The following C22orf15 variants were observed in gnomAD, a reference collection of about 807,000 sequenced individuals.
C22orf15 encodes the protein chromosome 22 open reading frame 15.
In C22orf15, 21 loss-of-function variants were observed where a neutral mutation model predicts 20.3. The ratio of observed to expected loss-of-function variants is 1.04; its 90% confidence interval spans 0.74 to 1.49. C22orf15 has a LOEUF of 1.49. Ranked by LOEUF, C22orf15 falls within the 40% of genes most tolerant of loss-of-function variation. The pLI, the probability that C22orf15 is intolerant of heterozygous loss-of-function variation, is 0.00. For missense variants in C22orf15, 170 were observed against 191.1 expected (o/e 0.89, Z 0.65); for synonymous variants, 78 against 75.4 (o/e 1.03, Z -0.18).
In C22orf15 at chr22:23,764,322, G is replaced by T; in HGVS notation, c.175G>T (p.Gly59Trp). The change falls in exon 3 of 6, where the codon GGG becomes TGG. Residue 59 changes from glycine (G) to tryptophan (W), a missense_variant. Coordinates refer to ENST00000402217, the MANE Select transcript of C22orf15 (RefSeq NM_182520.3). ...LVSLEEDLKEGASRAQTMGNS... is the reference protein window; with the variant it reads ...LVSLEEDLKEWASRAQTMGNS... ...GAGCCTGGAGGAGGACCTGAAGGAA[G>T]GGGCTTCCCGGGCCCAGACCATGGG... 1.3e-6 allele frequency: 2 copies of T among 1,551,626 alleles called. No homozygotes were observed. The highest frequency in any genetic ancestry group is 2.4e-5 in the South Asian group (2 of 84,070).
chr22:23,764,321 A>C lies in C22orf15; in HGVS notation c.174A>C (p.Glu58Asp). The C allele has an allele frequency of 6.4e-7, 1 of 1,551,590 alleles. No individual in the cohort carries two copies. Among genetic ancestry groups the C allele is most frequent in the Non-Finnish European group, 8.7e-7 (1 of 1,146,968 alleles). ...NLVSLEEDLK[E>D]GASRAQTMGN... is the part of the protein sequence containing the mutation. Reference sequence around the variant, plus strand: ...TGAGCCTGGAGGAGGACCTGAAGGAAGGGGCTTCCCGGGCCCAGACCATGG... The same window carrying C: ...TGAGCCTGGAGGAGGACCTGAAGGACGGGGCTTCCCGGGCCCAGACCATGG... The change falls in exon 3 of 6, where the codon GAA (glutamate) becomes GAC (aspartate). Residue 58 changes from glutamate (E) to aspartate (D), a missense_variant. Physicochemically the swap from Glu to Asp is conservative, Grantham distance 45. Transcript: ENST00000402217.
At chr22:23,765,123 C>T in intron 5 of C22orf15, 3 of 1,434,924 alleles carry the variant, frequency 2.1e-6, no homozygotes, top group Non-Finnish European at 2.7e-6. Flanking sequence ...AGTGCCAGCG[C>T]ACTAAGGGCC....
chr22:23,763,316 A>T lies in C22orf15; in HGVS notation c.10A>T (p.Lys4Ter). The T allele has an allele frequency of 1.3e-6, 2 of 1,549,936 alleles. No individual in the cohort carries two copies. Among genetic ancestry groups the T allele is most frequent in the Non-Finnish European group, 1.7e-6 (2 of 1,146,456 alleles). The change falls in exon 1 of 6, where the codon AAG (lysine) becomes TAG (stop). Residue 4 changes from lysine to a stop codon, truncating the protein, a stop_gained. Transcript: ENST00000402217. LOFTEE classifies it high-confidence loss of function. MFI[K>*]VMFGAGCSVL... ...CTCACCCGCTGCAGCTATGTTTATC[A>T]AGGTGATGTTTGGGGGTAAGTGGGG... is the stretch of plus-strand genomic sequence containing the variant.
At position 23,763,174 on chromosome 22, in the gene C22orf15, T is replaced by A; in HGVS notation, c.-133T>A. On this transcript the variant is annotated 5_prime_UTR_variant, in exon 1 of 6. Coordinates refer to ENST00000402217, the MANE Select transcript of C22orf15 (RefSeq NM_182520.3). ...GGGGCCTGGCCCTGGGACCCAGCCA[T>A]CCACACTCACACATCCACTTCTCCC... The A allele has an allele frequency of 1.6e-6, 2 of 1,260,870 alleles. No homozygotes were observed. Among genetic ancestry groups the A allele is most frequent in the Middle Eastern group, 5.4e-4 (2 of 3,720 alleles). 78.1% of individuals were successfully genotyped at this position (1,260,870 alleles called of 1,614,324 possible).
At chr22:23,765,692 T>C (rs1228145332) in intron 5 of C22orf15, 29 bp from the exon 6 acceptor site, 56 of 1,545,542 alleles carry the variant, frequency 3.6e-5, no homozygotes, top group Non-Finnish European at 2.2e-5. Flanking sequence ...ACAGTGCAGA[T>C]TGCAACAGGG....
chr22:23,764,902 G>A lies in C22orf15; in HGVS notation c.435G>A (p.Lys145=), dbSNP rs775008335. The A allele has an allele frequency of 6.2e-7, 1 of 1,608,042 alleles. No homozygotes were observed. The highest frequency in any genetic ancestry group is 8.5e-7 in the Non-Finnish European group (1 of 1,176,340). ...HEQSPTSRPR[K]GPD The stretch of plus-strand genomic sequence containing the variant: ...AAAGCCCCACTTCAAGGCCCAGAAA[G>A]GTGAGCTCCCTGCCACCCAGGAGTT... Residue 145 remains lysine (K), a splice_region_variant and synonymous_variant, in exon 5 of 6, where the codon AAG becomes AAA. Coordinates refer to ENST00000402217, the MANE Select transcript of C22orf15 (RefSeq NM_182520.3).
At chr22:23,765,448 G>C (rs1926626359) in intron 5 of C22orf15, 2 of 1,550,852 alleles carry the variant, frequency 1.3e-6, no homozygotes, top group Non-Finnish European at 8.7e-7. Flanking sequence ...GCATCAGCAA[G>C]AGGGGCAAGG....
At chr22:23,765,320 G>A in intron 5 of C22orf15, 1 of 1,544,726 alleles carries the variant, frequency 6.5e-7, no homozygotes, top group Non-Finnish European at 8.8e-7. Flanking sequence ...CTGCCAACTA[G>A]CCAAGTTGGA....
intron 3 of C22orf15, 114 bp from the exon 4 acceptor site, chr22:23,764,525 C>A: frequency 6.4e-7 from 1 of 1,558,068 alleles, no homozygotes; most frequent in East Asian, 2.2e-5. Flanking sequence ...CCCAATCCAT[C>A]CCTACCCAAT....
At position 23,765,743 on chromosome 22, in the gene C22orf15, T is replaced by C. The variant is rs1156675344; in HGVS notation, c.*11T>C. On this transcript the variant is annotated 3_prime_UTR_variant, in exon 6 of 6. Coordinates refer to ENST00000402217, the MANE Select transcript of C22orf15 (RefSeq NM_182520.3). ...CAGGGCCCTGATTAAGGGGATGGAT[T>C]GCACACTGTAGTGAGACATCCATCC... The C allele has an allele frequency of 1.9e-6, 3 of 1,550,936 alleles. No individual in the cohort carries two copies. The highest frequency in any genetic ancestry group is 2.6e-6 in the Non-Finnish European group (3 of 1,146,646).
Position 23,765,718 on chromosome 22 carries a change from C to T in C22orf15, c.436-3C>T, listed in dbSNP as rs1926704950. 1 of 1,550,132 alleles carries T rather than the reference C, an allele frequency of 6.5e-7. No homozygotes were observed. The highest frequency in any genetic ancestry group is 8.7e-7 in the Non-Finnish European group (1 of 1,146,294). ...TGCAACAGGGCTCCTCCTCCCCACC[C>T]AGGGCCCTGATTAAGGGGATGGATT... On this transcript the variant is annotated splice_region_variant and splice_polypyrimidine_tract_variant and intron_variant, in intron 5 of 5. Transcript: ENST00000402217.
chr22:23,764,791 A>G lies in C22orf15; in HGVS notation c.326-2A>G. 6.2e-7 allele frequency: 1 copy of G among 1,614,082 alleles called. No individual in the cohort carries two copies. Among genetic ancestry groups the G allele is most frequent in the Non-Finnish European group, 8.5e-7 (1 of 1,179,990 alleles). On this transcript the variant is annotated splice_acceptor_variant, in intron 4 of 5. Transcript: ENST00000402217. LOFTEE classifies it high-confidence loss of function. ...ACCAACAGGACTTCCTGGGCCTTCC[A>G]GAGGAACTGCGCAGGCTGTCAGGCC...
intron 2 of C22orf15, 43 bp downstream of exon 2, chr22:23,764,216 G>A: frequency 6.4e-7 from 1 of 1,551,582 alleles, no homozygotes; most frequent in South Asian, 1.2e-5. Context: ...GGGGTCCCAG[G>A]CAGGGGTGCC....
chr22:23,763,424 A>C, intron 1 of C22orf15, 93 bp downstream of exon 1: 94 of 1,042,410 alleles, frequency 9.0e-5, no homozygotes, highest in East Asian at 2.3e-4. Context: ...TGGGGAGGCA[A>C]TGGCGGGAAA....
chr22:23,764,973 A>G (rs1926514813), intron 5 of C22orf15, 71 bp downstream of exon 5: 2 of 1,537,638 alleles, frequency 1.3e-6, no homozygotes, highest in Non-Finnish European at 1.7e-6. Flanking sequence ...TTGGACATCC[A>G]CAGAGACACC....
chr22:23,764,526 C>A, intron 3 of C22orf15, 113 bp from the exon 4 acceptor site: 1 of 1,557,210 alleles, frequency 6.4e-7, no homozygotes, highest in Non-Finnish European at 8.9e-7. Flanking sequence ...CCAATCCATC[C>A]CTACCCAATG....
At position 23,764,377 on chromosome 22, in the gene C22orf15, A is replaced by G. The variant is rs773400859; in HGVS notation, c.230A>G (p.Tyr77Cys). 6.2e-5 allele frequency: 97 copies of G among 1,554,032 alleles called. No individual in the cohort carries two copies. The African/African-American group carries it at 1.3e-3, about 21-fold the overall frequency. ...TCCCTACTGAAGGAGCGAGCCATAT[A>G]TGTCCTCGTTCGGATCATCAGTAAG... ...GNSLLKERAIYVLVRIIKGED... is the reference protein window; with the variant it reads ...GNSLLKERAICVLVRIIKGED... The change falls in exon 3 of 6, where the codon TAT (tyrosine) becomes TGT (cysteine). Residue 77 changes from tyrosine (Y) to cysteine (C), a missense_variant. Coordinates refer to ENST00000402217, the MANE Select transcript of C22orf15 (RefSeq NM_182520.3).
chr22:23,764,488 G>T, intron 3 of C22orf15, 91 bp downstream of exon 3: 1 of 1,585,610 alleles, frequency 6.3e-7, no homozygotes, highest in East Asian at 2.2e-5. Context: ...GCCCTGTCCG[G>T]CCTCCCACCT....
rs1925986489 is a variant in C22orf15 at position 23,763,153 on chromosome 22, C to T, written c.-154C>T. The stretch of plus-strand genomic sequence containing the variant: ...AACCACAGAGGTGGCTGAGCAGGGG[C>T]CTGGCCCTGGGACCCAGCCATCCAC... On this transcript the variant is annotated 5_prime_UTR_variant, in exon 1 of 6. Coordinates refer to ENST00000402217, the MANE Select transcript of C22orf15 (RefSeq NM_182520.3). 1.1e-5 allele frequency: 11 copies of T among 1,001,158 alleles called. 3 individuals carry two copies. In the South Asian group the frequency reaches 1.6e-4, roughly 15 times the overall value. 62.0% of individuals were successfully genotyped at this position (1,001,158 alleles called of 1,614,324 possible).
Sources: allele counts gnomAD v4.1 joint callset, GRCh38; gene constraint gnomAD v4.1.1; transcripts MANE v1.5; gene names NCBI Gene and HGNC (gene_info 2026-07-23, HGNC 2026-07-21).